CRTC3: variants seen among roughly 807,000 people sequenced by gnomAD.
CRTC3 encodes the protein CREB-regulated transcription coactivator 3.
CRTC3 carries 26 observed loss-of-function variants against 74.5 expected under a neutral mutation model. That is an observed-to-expected ratio of 0.35 (90% CI 0.26 to 0.48). CRTC3 has a LOEUF of 0.48. Among genes scored for constraint, CRTC3 ranks in the 20% least tolerant of loss-of-function variants. The pLI, the probability that CRTC3 is intolerant of heterozygous loss-of-function variation, is 0.99. For synonymous variants in CRTC3, 377 were observed against 325.8 expected (o/e 1.16, Z -1.69); for missense variants, 760 against 787.3 (o/e 0.97, Z 0.41).
chr15:90,640,080 TA>T (rs1969385726), intron 13 of CRTC3, among the ~76,000 whole-genome samples: 2 of 151,754 alleles, frequency 1.3e-5, no homozygotes, highest in Non-Finnish European at 2.9e-5. Context: ...AATAATAAAA[TA>T]AATTAAGATA....
chr15:90,569,834 T>C (rs906285402), intron 2 of CRTC3, among the ~76,000 whole-genome samples: 4 of 152,160 alleles, frequency 2.6e-5, no homozygotes, highest in Non-Finnish European at 4.4e-5. Flanking sequence ...ATATAAAGGA[T>C]GTTAAGATAG....
At chr15:90,635,236 C>G (rs987907972) in intron 11 of CRTC3, among the ~76,000 whole-genome samples, 1 of 151,984 alleles carries the variant, frequency 6.6e-6, no homozygotes, top group African/African-American at 2.4e-5. Context: ...AAAAAGGACA[C>G]TGAGAAGCTG....
chr15:90,616,323 A>T (rs1968494582), intron 7 of CRTC3, among the ~76,000 whole-genome samples: 1 of 152,186 alleles, frequency 6.6e-6, no homozygotes, highest in African/African-American at 2.4e-5. Flanking sequence ...CTGTCAAATA[A>T]GTTAGACCGC....
intron 2 of CRTC3, among the ~76,000 whole-genome samples, chr15:90,567,981 T>C (rs891817646): frequency 2.0e-5 from 3 of 152,228 alleles, no homozygotes; most frequent in African/African-American, 4.8e-5. Flanking sequence ...TTAGATGCCA[T>C]TAAGAACATT....
chr15:90,605,624 A>T (rs1596118701), intron 5 of CRTC3, among the ~76,000 whole-genome samples: 2 of 151,930 alleles, frequency 1.3e-5, no homozygotes. Flanking sequence ...AAGAGGCTGG[A>T]ATCTGAACCC....
chr15:90,621,042 C>G (rs1156632017), intron 9 of CRTC3, among the ~76,000 whole-genome samples: 1 of 152,086 alleles, frequency 6.6e-6, no homozygotes, highest in African/African-American at 2.4e-5. Flanking sequence ...GGACGCATGC[C>G]CAACAAAAGA....
intron 6 of CRTC3, among the ~76,000 whole-genome samples, chr15:90,607,920 A>C (rs1373611755): frequency 6.6e-6 from 1 of 152,150 alleles, no homozygotes; most frequent in Non-Finnish European, 1.5e-5. Flanking sequence ...AGGTTGGAGG[A>C]AGTGACTGTC....
intron 2 of CRTC3, among the ~76,000 whole-genome samples, chr15:90,552,806 T>G (rs1381044386): frequency 6.6e-6 from 1 of 152,222 alleles, no homozygotes; most frequent in Non-Finnish European, 1.5e-5. Flanking sequence ...TAAAGAAAAC[T>G]GATTCCTTCC....
intron 13 of CRTC3, among the ~76,000 whole-genome samples, chr15:90,640,090 T>G (rs1404017096): frequency 6.6e-6 from 1 of 151,946 alleles, no homozygotes; most frequent in Admixed American, 6.6e-5. Context: ...TAAATTAAGA[T>G]AGCTGTTTCC....
chr15:90,626,974 C>T (rs1339775086), intron 10 of CRTC3, among the ~76,000 whole-genome samples: 3 of 152,238 alleles, frequency 2.0e-5, no homozygotes. Context: ...AGTACAGCCC[C>T]TGGCCGTAAC....
intron 9 of CRTC3, among the ~76,000 whole-genome samples, chr15:90,621,574 T>C (rs1968654606): frequency 2.6e-5 from 4 of 152,108 alleles, no homozygotes. Flanking sequence ...CCACCCACTT[T>C]GGCCTCCCAA....
intron 2 of CRTC3, among the ~76,000 whole-genome samples, chr15:90,571,302 T>A (rs1967259246): frequency 6.6e-6 from 1 of 152,076 alleles, no homozygotes; most frequent in Non-Finnish European, 1.5e-5. Context: ...CCAAACGGGT[T>A]GGGAGGAGGT....
At chr15:90,618,240 T>C (rs2151087957) in intron 8 of CRTC3, 1 of 213,618 alleles carries the variant, frequency 4.7e-6, no homozygotes, top group African/African-American at 2.3e-5. Context: ...AAGTCCTCCA[T>C]ATCTTATTTG....
At chr15:90,566,980 G>C (rs1254444994) in intron 2 of CRTC3, among the ~76,000 whole-genome samples, 1 of 151,980 alleles carries the variant, frequency 6.6e-6, no homozygotes, top group African/African-American at 2.4e-5. Flanking sequence ...TGAAGTGCTG[G>C]GATTGCAGGT....
chr15:90,617,794 G>GT, intron 7 of CRTC3, 89 bp from the exon 8 acceptor site: 1 of 836,180 alleles, frequency 1.2e-6, no homozygotes, highest in Admixed American at 1.8e-5. Flanking sequence ...GCCCCATAAA[G>GT]TGCTAGGATT....
At chr15:90,572,715 ACAGCTGTGCGTCACCATACC>A (rs1967302740) in intron 2 of CRTC3, among the ~76,000 whole-genome samples, 1 of 152,114 alleles carries the variant, frequency 6.6e-6, no homozygotes, top group South Asian at 2.1e-4. Context: ...AGCTGGGATT[ACAGCTGTGCGTCACCATACC>A]CAGCTAATTT....
Position 90,529,975 on chromosome 15 carries a change from C to T in CRTC3, c.-97C>T, listed in dbSNP as rs1966596126. The T allele has an allele frequency of 2.0e-6, 2 of 978,904 alleles. No individual in the cohort carries two copies. The highest frequency in any genetic ancestry group is 2.5e-6 in the Non-Finnish European group (2 of 789,428). 60.6% of individuals were successfully genotyped at this position (978,904 alleles called of 1,614,324 possible). Reference sequence around the variant, plus strand: ...CCGGGTCGCGCCGGACGACTGGCTTCGGGCGGCGGCCCCGGCGGCCTGTGG... The same window carrying T: ...CCGGGTCGCGCCGGACGACTGGCTTTGGGCGGCGGCCCCGGCGGCCTGTGG... On this transcript the variant is annotated 5_prime_UTR_variant, in exon 1 of 15. Transcript: ENST00000268184.
At chr15:90,601,907 G>A (rs972575258) in intron 3 of CRTC3, among the ~76,000 whole-genome samples, 6 of 152,004 alleles carry the variant, frequency 3.9e-5, no homozygotes, top group African/African-American at 1.5e-4. Context: ...CCACTCAAAA[G>A]CACTCTCCTT....
At chr15:90,551,930 G>GCACACGCA (rs1966858615) in intron 2 of CRTC3, among the ~76,000 whole-genome samples, 1 of 93,794 alleles carries the variant, frequency 1.1e-5, no homozygotes, top group African/African-American at 5.0e-5. Flanking sequence ...TTACACACAC[G>GCACACGCA]CACACACACA....
Sources: gnomAD v4.1 joint callset for allele counts (sites outside exome capture counted in the v4.1 genomes callset) on GRCh38, gnomAD v4.1.1 for gene constraint, MANE v1.5 for transcripts, NCBI Gene and HGNC (gene_info 2026-07-23, HGNC 2026-07-21) for gene names.